The following MEF2C variants were observed in gnomAD, a reference collection of about 807,000 sequenced individuals.
MEF2C encodes the protein myocyte-specific enhancer factor 2C.
MEF2C carries 6 observed loss-of-function variants against 50.5 expected under a neutral mutation model. That is an observed-to-expected ratio of 0.12 (90% confidence interval 0.07 to 0.23). MEF2C has a LOEUF of 0.23. MEF2C is among the 10% of genes least tolerant of loss of function. MEF2C has a pLI of 1.00. For synonymous variants in MEF2C, 183 were observed against 228.0 expected (o/e 0.80, Z 1.78); for missense variants, 276 against 605.0 (o/e 0.46, Z 5.70).
intron 1 of MEF2C, among the ~76,000 whole-genome samples, chr5:88,878,617 T>C (rs542625928): frequency 6.6e-6 from 1 of 152,148 alleles, no homozygotes; most frequent in African/African-American, 2.4e-5. Context: ...TTTTCTTTTG[T>C]TGTTATTTTC....
intron 1 of MEF2C, among the ~76,000 whole-genome samples, chr5:88,901,164 T>G (rs1835615533): frequency 6.6e-6 from 1 of 151,980 alleles, no homozygotes; most frequent in African/African-American, 2.4e-5. Flanking sequence ...GTAGAAATGA[T>G]TCCCCACTTA....
chr5:88,741,702 C>CT (rs1766887571), intron 6 of MEF2C: 24 of 981,584 alleles, frequency 2.4e-5, no homozygotes, highest in Non-Finnish European at 2.8e-5. Context: ...CCTCCTTATA[C>CT]TTTAAATACA....
intron 1 of MEF2C, among the ~76,000 whole-genome samples, chr5:88,851,682 G>A (rs1322364208): frequency 6.6e-6 from 1 of 151,612 alleles, no homozygotes; most frequent in Non-Finnish European, 1.5e-5. Context: ...ATGATAAGTC[G>A]GCTAACTTAA....
At chr5:88,879,441 G>T (rs997355831) in intron 1 of MEF2C, among the ~76,000 whole-genome samples, 11 of 151,030 alleles carry the variant, frequency 7.3e-5, no homozygotes, top group African/African-American at 2.7e-4. Flanking sequence ...TCACATATAT[G>T]GATTCATAAC....
chr5:88,723,001 T>G, intron 10 of MEF2C, 76 bp from the exon 11 acceptor site: 1 of 1,290,788 alleles, frequency 7.7e-7, no homozygotes. Flanking sequence ...AAATCAAACA[T>G]CAGCTTAAAG....
At chr5:88,856,657 A>G (rs1823503325) in intron 1 of MEF2C, among the ~76,000 whole-genome samples, 1 of 152,252 alleles carries the variant, frequency 6.6e-6, no homozygotes, top group Non-Finnish European at 1.5e-5. Context: ...TGGCTAAAAC[A>G]GCCTGAGGGA....
rs1192122864 is a variant in MEF2C, at chr5:88,719,827, A to C, written c.*2777T>G. 6.6e-6 allele frequency: 1 copy of C among 152,196 alleles called. No homozygotes were observed. Among genetic ancestry groups the C allele is most frequent in the East Asian group, 1.9e-4 (1 of 5,204 alleles). The allele number at this position is 152,196 out of a possible 1,614,324, so 9.4% of individuals were successfully genotyped here. On this transcript the variant is annotated 3_prime_UTR_variant, in exon 11 of 11. Transcript: ENST00000504921. ...CACTTTATAAGAATTCAGTAGTGGG[A>C]ACAAGAGATGACTGGCATCCATTTT...
intron 4 of MEF2C, among the ~76,000 whole-genome samples, chr5:88,755,014 C>T (rs1006181684): frequency 2.6e-5 from 4 of 152,184 alleles, no homozygotes; most frequent in Non-Finnish European, 5.9e-5. Context: ...CCTATTTAAT[C>T]CTGCAATTTG....
At chr5:88,866,735 T>C (rs1261710119) in intron 1 of MEF2C, among the ~76,000 whole-genome samples, 2 of 152,210 alleles carry the variant, frequency 1.3e-5, no homozygotes, top group African/African-American at 4.8e-5. Flanking sequence ...CTAACTTTGG[T>C]TTTAAAGTTT....
At chr5:88,764,825 A>T (rs1034037393) in intron 3 of MEF2C, among the ~76,000 whole-genome samples, 126 of 151,876 alleles carry the variant, frequency 8.3e-4, no homozygotes, top group African/African-American at 2.9e-3. Context: ...AAAAAAAAAA[A>T]AAAAAGAAGT....
intron 1 of MEF2C, among the ~76,000 whole-genome samples, chr5:88,824,679 A>G (rs771210521): frequency 3.7e-4 from 56 of 151,904 alleles, no homozygotes; most frequent in Non-Finnish European, 6.9e-4. Flanking sequence ...ATTTATAACC[A>G]TATTTTTTAT....
chr5:88,898,827 C>T (rs1047244785), intron 1 of MEF2C, among the ~76,000 whole-genome samples: 2 of 152,034 alleles, frequency 1.3e-5, no homozygotes, highest in African/African-American at 4.8e-5. Context: ...ATTGAACTCC[C>T]CAGCTGTATT....
At chr5:88,759,054 T>G (rs1444762298) in intron 4 of MEF2C, among the ~76,000 whole-genome samples, 1 of 152,254 alleles carries the variant, frequency 6.6e-6, no homozygotes, top group Non-Finnish European at 1.5e-5. Flanking sequence ...TTATTCCAAC[T>G]GTGCAGGGGA....
intron 6 of MEF2C, chr5:88,743,789 T>C: frequency 5.1e-6 from 5 of 985,302 alleles, no homozygotes; most frequent in Non-Finnish European, 6.0e-6. Context: ...AATTAAGCAT[T>C]CCAGAAGTGA....
At chr5:88,799,877 C>T (rs940508383) in intron 3 of MEF2C, among the ~76,000 whole-genome samples, 3,243 of 76,374 alleles carry the variant, frequency 0.042, 42 homozygotes, top group East Asian at 0.055. Context: ...CTCTCACACA[C>T]ACACACACAC....
intron 1 of MEF2C, among the ~76,000 whole-genome samples, chr5:88,847,210 G>T (rs1024269121): frequency 6.6e-6 from 1 of 152,164 alleles, no homozygotes; most frequent in African/African-American, 2.4e-5. Context: ...GAGAGTAGCA[G>T]TCATATTTAT....
chr5:88,811,478 A>G, intron 2 of MEF2C, among the ~76,000 whole-genome samples: 1 of 152,116 alleles, frequency 6.6e-6, no homozygotes, highest in East Asian at 1.9e-4. Flanking sequence ...GTTGGACTAG[A>G]GACCTTTAAA....
At chr5:88,791,446 T>C (rs868384920) in intron 3 of MEF2C, among the ~76,000 whole-genome samples, 7 of 152,146 alleles carry the variant, frequency 4.6e-5, no homozygotes, top group Non-Finnish European at 4.4e-5. Flanking sequence ...TCTACTATTA[T>C]TAAGTAATTA....
intron 4 of MEF2C, among the ~76,000 whole-genome samples, chr5:88,754,300 T>C (rs950552949): frequency 3.3e-5 from 5 of 152,338 alleles, no homozygotes; most frequent in Admixed American, 3.3e-4. Flanking sequence ...TACACATAGA[T>C]CTTGCTGTGA....
Sources: gnomAD v4.1 joint callset for allele counts (sites outside exome capture counted in the v4.1 genomes callset) on GRCh38, gnomAD v4.1.1 for gene constraint, MANE v1.5 for transcripts, NCBI Gene and HGNC (gene_info 2026-07-23, HGNC 2026-07-21) for gene names.